Variants in TCF20 observed in about 807,000 individuals in gnomAD.
The protein encoded by TCF20 is transcription factor 20, also known as SPRE-binding protein.
Under a neutral mutation model 148.6 loss-of-function variants are expected in TCF20, and 3 were observed. The ratio of observed to expected loss-of-function variants is 0.02; its 90% CI spans 0.01 to 0.05. The LOEUF is 0.05. TCF20 is among the 10% of genes least tolerant of loss of function. The pLI is 1.00. For synonymous variants in TCF20, 1,049 were observed against 909.5 expected (o/e 1.15, Z -2.76); for missense variants, 2,350 against 2,429.3 (o/e 0.97, Z 0.69).
intron 1 of TCF20, among the ~76,000 whole-genome samples, chr22:42,228,796 T>C (rs1448013143): frequency 3.9e-5 from 6 of 152,128 alleles, no homozygotes; most frequent in Non-Finnish European, 8.8e-5. Context: ...ACAGAGTAGA[T>C]GAGATCACCC....
intron 1 of TCF20, among the ~76,000 whole-genome samples, chr22:42,226,150 T>G (rs1039947673): frequency 6.6e-6 from 1 of 152,090 alleles, no homozygotes; most frequent in Non-Finnish European, 1.5e-5. Context: ...GATGACCACA[T>G]ATGTGAGCAG....
At chr22:42,244,017 C>T (rs186699661) in intron 1 of TCF20, among the ~76,000 whole-genome samples, 8 of 152,186 alleles carry the variant, frequency 5.3e-5, no homozygotes, top group Admixed American at 3.9e-4. Context: ...ACCAGCCTGG[C>T]CAACCATGGT....
chr22:42,314,336 C>T (rs917690999), intron 1 of TCF20, among the ~76,000 whole-genome samples: 1 of 152,266 alleles, frequency 6.6e-6, no homozygotes, highest in Non-Finnish European at 1.5e-5. Flanking sequence ...GACCAGCTGC[C>T]GCTGCCGGGG....
At chr22:42,293,603 G>A (rs2048900522) in intron 1 of TCF20, among the ~76,000 whole-genome samples, 1 of 152,214 alleles carries the variant, frequency 6.6e-6, no homozygotes, top group African/African-American at 2.4e-5. Flanking sequence ...GGAAGGGGAG[G>A]GTAGGGAGGA....
In TCF20 at chr22:42,321,946, T is replaced by TA. The variant is rs201888819; in HGVS notation, c.-37+21532dup. On this transcript the variant is annotated intron_variant, in intron 1 of 1. Transcript: ENST00000515426. ...TGGGTGACAGAGCGAGACTCCATCT[T>TA]AAAAAAAAAAAAAGATAATAAAAAT... Among the ~76,000 whole-genome samples the TA allele has an allele frequency of 0.016, 2,208 of 138,426 alleles. 230 individuals carry two copies. In the East Asian group the frequency reaches 0.3, roughly 19 times the overall value. The allele number at this position is 138,426 out of a possible 152,430, so 90.8% of individuals were successfully genotyped here.
upstream of TCF20, among the ~76,000 whole-genome samples, chr22:42,272,036 T>A (rs917759669): frequency 6.6e-6 from 1 of 152,210 alleles, no homozygotes; most frequent in Non-Finnish European, 1.5e-5. Context: ...AGGCAGTGAT[T>A]TCTCCTGGCT....
rs1270642064 is a variant in TCF20, at chr22:42,338,138, T to C, written c.-37+5341A>G. 6.6e-6 allele frequency among the ~76,000 whole-genome samples: 1 copy of C among 152,178 alleles called. No homozygotes were observed. The highest frequency in any genetic ancestry group is 2.4e-5 in the African/African-American group (1 of 41,432). On this transcript the variant is annotated intron_variant, in intron 1 of 1. Coordinates refer to the TCF20 transcript ENST00000515426. The surrounding 1 kb of genome is among the most constrained non-coding windows in gnomAD (Gnocchi z 4.0). ...TCCTACTCTGTACACAACTCCCGCC[T>C]CGGTCTCCACGCGTCCCCTGAGATC...
chr22:42,183,243 T>C (rs955744536), intron 2 of TCF20, among the ~76,000 whole-genome samples: 10 of 152,188 alleles, frequency 6.6e-5, no homozygotes, highest in African/African-American at 1.7e-4. Context: ...CAGTGTTCTG[T>C]CTCCTACAGA....
chr22:42,315,634 G>A (rs1473083746), intron 1 of TCF20, among the ~76,000 whole-genome samples: 1 of 152,172 alleles, frequency 6.6e-6, no homozygotes, highest in Admixed American at 6.5e-5. Flanking sequence ...TGTGGACAGT[G>A]CCATGAATGA....
In TCF20 at chr22:42,299,972, A is replaced by T. The variant is rs960689125; in HGVS notation, c.-37+43507T>A. ...AGGGGAAGGAAGGGCGGGGAGGGGGAGGGGGAGGGGCGCGCTGAAATCACC... is the reference window on the plus strand; with the variant it reads ...AGGGGAAGGAAGGGCGGGGAGGGGGTGGGGGAGGGGCGCGCTGAAATCACC... On this transcript the variant is annotated intron_variant, in intron 1 of 1. Coordinates refer to the TCF20 transcript ENST00000515426. The surrounding 1 kb of genome is among the most constrained non-coding windows in gnomAD (Gnocchi z 4.1). Among the ~76,000 whole-genome samples, 1 of 11,592 alleles carries T rather than the reference A, an allele frequency of 8.6e-5. No individual in the cohort carries two copies. The highest frequency in any genetic ancestry group is 1.7e-4 in the Non-Finnish European group (1 of 5,880). 7.6% of individuals were successfully genotyped at this position (11,592 alleles called of 152,430 possible). A position where few individuals can be genotyped will look rare whatever the true frequency, so the allele number is the denominator to read the frequency against.
intron 1 of TCF20, among the ~76,000 whole-genome samples, chr22:42,237,721 G>A (rs530080557): frequency 6.6e-6 from 1 of 152,324 alleles, no homozygotes; most frequent in South Asian, 2.1e-4. Flanking sequence ...GTGTTAGCAA[G>A]CATGAAAACA....
chr22:42,250,546 G>T (rs929594231), intron 1 of TCF20, among the ~76,000 whole-genome samples: 7 of 151,544 alleles, frequency 4.6e-5, no homozygotes, highest in African/African-American at 1.7e-4. Context: ...CTGCTCTTCA[G>T]GAGACTGCAC....
chr22:42,319,916 C>T (rs1019021539), intron 1 of TCF20, among the ~76,000 whole-genome samples: 15 of 152,072 alleles, frequency 9.9e-5, no homozygotes, highest in African/African-American at 3.4e-4. Context: ...TCTCCTTCTC[C>T]CTCCCACCCC....
At chr22:42,200,290 C>T (rs1212867698) in intron 2 of TCF20, among the ~76,000 whole-genome samples, 1 of 152,144 alleles carries the variant, frequency 6.6e-6, no homozygotes, top group Non-Finnish European at 1.5e-5. Context: ...GAAACCTCAA[C>T]TTCATCCTTG....
chr22:42,225,578 C>G (rs1922809406), intron 1 of TCF20, among the ~76,000 whole-genome samples: 1 of 141,906 alleles, frequency 7.0e-6, no homozygotes, highest in East Asian at 2.1e-4. Flanking sequence ...TGCGCCACTG[C>G]AGTCCGCAGT....
intron 5 of TCF20, among the ~76,000 whole-genome samples, chr22:42,162,317 T>C (rs1222112285): frequency 6.6e-6 from 1 of 152,082 alleles, no homozygotes; most frequent in Non-Finnish European, 1.5e-5. Context: ...ACTCTTCCCA[T>C]GGCCTCTAAC....
chr22:42,336,912 C>A (rs1163902732), intron 1 of TCF20, among the ~76,000 whole-genome samples: 1 of 152,200 alleles, frequency 6.6e-6, no homozygotes, highest in Non-Finnish European at 1.5e-5. Flanking sequence ...TGATCATCAC[C>A]ACACAGCACA....
intron 1 of TCF20, among the ~76,000 whole-genome samples, chr22:42,260,399 A>G (rs1338246909): frequency 1.3e-5 from 2 of 152,230 alleles, no homozygotes; most frequent in Admixed American, 1.3e-4. Context: ...AATTTTTAAG[A>G]GATCACTTTA....
chr22:42,263,269 T>TAC (rs1266988205), intron 1 of TCF20, among the ~76,000 whole-genome samples: 1 of 152,204 alleles, frequency 6.6e-6, no homozygotes, highest in African/African-American at 2.4e-5. Flanking sequence ...ACCAAAGGGA[T>TAC]ACAGAATCTG....
Sources: gnomAD v4.1 joint callset for allele counts (sites outside exome capture counted in the v4.1 genomes callset) on GRCh38, gnomAD v4.1.1 for gene constraint, Gnocchi (gnomAD v3.1) non-coding constraint, MANE v1.5 for transcripts, NCBI Gene and HGNC (gene_info 2026-07-23, HGNC 2026-07-21) for gene names.